The following PLCE1 variants were observed in gnomAD, a reference collection of about 807,000 sequenced individuals.
PLCE1 encodes the protein phospholipase C epsilon 1, also known as 1-phosphatidylinositol 4,5-bisphosphate phosphodiesterase epsilon-1.
In PLCE1, 119 loss-of-function variants were observed where a neutral mutation model predicts 242.8. The ratio of observed to expected loss-of-function variants is 0.49; its 90% CI spans 0.42 to 0.57. The LOEUF is 0.57. PLCE1 is among the 20% of genes least tolerant of loss of function. The pLI, the probability that PLCE1 is intolerant of heterozygous loss-of-function variation, is 0.00. For missense variants in PLCE1, 2,441 were observed against 2,788.8 expected, an observed-to-expected ratio of 0.88 and a Z score of 2.81; for synonymous variants, 945 against 1,017.4, an observed-to-expected ratio of 0.93 and a Z score of 1.35.
chr10:94,316,069 ACT>A (rs1407396471), intron 28 of PLCE1, among the ~76,000 whole-genome samples: 2 of 152,194 alleles, frequency 1.3e-5, no homozygotes, highest in East Asian at 3.9e-4. Flanking sequence ...CTTTAAGCAC[ACT>A]GTCAGAAGTT....
intron 24 of PLCE1, among the ~76,000 whole-genome samples, chr10:94,299,288 G>A (rs2052953793): frequency 6.6e-6 from 1 of 152,142 alleles, no homozygotes; most frequent in South Asian, 2.1e-4. Context: ...TGTGCATTAG[G>A]CAGTACGCTG....
intron 2 of PLCE1, among the ~76,000 whole-genome samples, chr10:94,078,615 A>G (rs556765250): frequency 6.6e-6 from 1 of 152,100 alleles, no homozygotes; most frequent in East Asian, 1.9e-4. Flanking sequence ...CCTCCCAAGT[A>G]GCTGGGATGA....
chr10:94,002,701 T>C (rs58546311), intron 1 of PLCE1, among the ~76,000 whole-genome samples: 4 of 152,182 alleles, frequency 2.6e-5, no homozygotes, highest in African/African-American at 7.2e-5. Flanking sequence ...AGCTTGGCCC[T>C]CTTGGTTTTG....
At chr10:94,302,274 G>C (rs1291751527) in intron 24 of PLCE1, among the ~76,000 whole-genome samples, 1 of 152,108 alleles carries the variant, frequency 6.6e-6, no homozygotes, top group Admixed American at 6.6e-5. Flanking sequence ...GATGCACGCT[G>C]GGTTTAATAC....
At chr10:94,085,035 C>G (rs1457809605) in intron 2 of PLCE1, among the ~76,000 whole-genome samples, 3 of 152,038 alleles carry the variant, frequency 2.0e-5, no homozygotes, top group Admixed American at 6.6e-5. Context: ...CTTCTCTGCC[C>G]CTAGTGAGTA....
In PLCE1 at chr10:94,252,349, C is replaced by T. The variant is rs775833869; in HGVS notation, c.3130C>T (p.His1044Tyr). 7 of 1,614,104 alleles carry T rather than the reference C, an allele frequency of 4.3e-6. No homozygotes were observed. The highest frequency in any genetic ancestry group is 1.3e-5 in the African/African-American group (1 of 75,034). ...ACGGTATGAAGGCCCAACTTTGGCT[C>T]ACGCTGTGGAGTTGTTTGGTGGCAG... ...DGRYEGPTLA[H>Y]AVELFGGRRW... The change falls in exon 9 of 33, where the codon CAC becomes TAC. Residue 1044 changes from histidine (H) to tyrosine (Y), a missense_variant. Around this residue, in one of 5 missense-constraint regions of PLCE1, gnomAD observed 1,004 missense variants for 1,322.7 expected, o/e 0.76. Transcript: ENST00000371380.
intron 30 of PLCE1, among the ~76,000 whole-genome samples, chr10:94,324,043 T>C (rs750055245): frequency 2.0e-5 from 3 of 152,350 alleles, no homozygotes; most frequent in Admixed American, 6.5e-5. Context: ...CAGACCTTTA[T>C]TGTTACTATT....
chr10:94,000,160 C>T (rs961627936), intron 1 of PLCE1, among the ~76,000 whole-genome samples: 36 of 152,228 alleles, frequency 2.4e-4, no homozygotes, highest in African/African-American at 7.9e-4. Context: ...TGAGATTTTG[C>T]GTGAAAGAGG....
intron 3 of PLCE1, among the ~76,000 whole-genome samples, chr10:94,162,862 T>C (rs2047663226): frequency 6.6e-6 from 1 of 152,236 alleles, no homozygotes; most frequent in Non-Finnish European, 1.5e-5. Context: ...TGTGTCTTTG[T>C]TCTCATTGGT....
At position 94,252,461 on chromosome 10, in the gene PLCE1, T is replaced by A. The variant is rs1423525893; in HGVS notation, c.3242T>A (p.Ile1081Lys). Residue 1081 changes from isoleucine (I) to lysine (K), a missense_variant, in exon 9 of 33, where the codon ATA becomes AAA. Transcript: ENST00000371380. ...ATGCAGAGAAACAATACCCTGGGCATAAGCACTACCAAGAAAAAGAAGAAA... is the reference window on the plus strand; with the variant it reads ...ATGCAGAGAAACAATACCCTGGGCAAAAGCACTACCAAGAAAAAGAAGAAA... The part of the protein sequence containing the change: ...PNMQRNNTLG[I>K]STTKKKKKIL... The A allele has an allele frequency of 6.2e-7, 1 of 1,613,956 alleles. No homozygotes were observed.
chr10:94,229,532 G>A (rs2050071074), intron 5 of PLCE1, among the ~76,000 whole-genome samples: 1 of 152,168 alleles, frequency 6.6e-6, no homozygotes, highest in Non-Finnish European at 1.5e-5. Context: ...GGTGGGGACT[G>A]CACAAAGCCA....
chr10:94,319,858 G>A (rs2053718206), intron 29 of PLCE1, among the ~76,000 whole-genome samples: 2 of 130,952 alleles, frequency 1.5e-5, no homozygotes, highest in African/African-American at 2.9e-5. Context: ...GAGGCTCAAA[G>A]GTGCTCTTTT....
chr10:94,177,853 G>A (rs2048172778), intron 4 of PLCE1, among the ~76,000 whole-genome samples: 1 of 152,174 alleles, frequency 6.6e-6, no homozygotes, highest in South Asian at 2.1e-4. Flanking sequence ...TGAAAAGAGA[G>A]GAGAGGCAAA....
At chr10:94,111,559 T>A (rs570103737) in intron 2 of PLCE1, among the ~76,000 whole-genome samples, 5 of 151,822 alleles carry the variant, frequency 3.3e-5, no homozygotes, top group African/African-American at 1.2e-4. Context: ...GGATAAGGAG[T>A]TGGAAGAGTG....
chr10:94,279,813 C>T lies in PLCE1; in HGVS notation c.4697C>T (p.Ala1566Val). The T allele has an allele frequency of 6.2e-7, 1 of 1,613,624 alleles. No individual in the cohort carries two copies. The highest frequency in any genetic ancestry group is 8.5e-7 in the Non-Finnish European group (1 of 1,179,656). The stretch of plus-strand genomic sequence containing the variant: ...CAGTTAGCATCTATGCAAGTGCAGG[C>T]TTATAATGGTGGGAATGCCAACCCC... ...AHQLASMQVQ[A>V]YNGGNANPRP... Residue 1566 changes from alanine (A) to valine (V), a missense_variant, in exon 20 of 33, where the codon GCT becomes GTT. This residue lies in a region of PLCE1 where 1,004 missense variants were observed against 1,322.7 expected (regional missense o/e 0.76). Transcript: ENST00000371380.
chr10:94,219,917 C>T (rs2049666147), intron 4 of PLCE1, among the ~76,000 whole-genome samples: 1 of 152,012 alleles, frequency 6.6e-6, no homozygotes. Flanking sequence ...GTGTTTGAGG[C>T]TCTGAAAAAG....
chr10:94,265,904 C>T lies in PLCE1; in HGVS notation c.4227C>T (p.Thr1409=). 2 of 1,614,032 alleles carry T rather than the reference C, an allele frequency of 1.2e-6. No homozygotes were observed. Among genetic ancestry groups the T allele is most frequent in the African/African-American group, 1.3e-5 (1 of 75,018 alleles). Reference sequence around the variant, plus strand: ...ATTACATCGAATCTTCGCACAATACCTACCTCACGGGCCATCAGCTCAAAG... The same window carrying T: ...ATTACATCGAATCTTCGCACAATACTTACCTCACGGGCCATCAGCTCAAAG... ...SYYYIESSHN[T]YLTGHQLKGE... Residue 1409 remains threonine, a synonymous_variant, in exon 16 of 33, where the codon ACC becomes ACT. Transcript: ENST00000371380.
intron 2 of PLCE1, among the ~76,000 whole-genome samples, chr10:94,075,788 C>T (rs1469011256): frequency 2.0e-5 from 3 of 152,328 alleles, no homozygotes; most frequent in South Asian, 4.1e-4. Context: ...ATTCAGAATG[C>T]GTTCTGCTGT....
At position 94,332,553 on chromosome 10, in the gene PLCE1, A is replaced by G. The variant is rs977877647; in HGVS notation, c.*4610A>G. On this transcript the variant is annotated 3_prime_UTR_variant, in exon 33 of 33. Coordinates refer to ENST00000371380, the MANE Select transcript of PLCE1 (RefSeq NM_016341.4). ...TGTGTGTGTGTGTGTGTGTGTTTAA[A>G]CATAAGCTTACATATAAGCGTATGT... The G allele has an allele frequency of 7.0e-4, 105 of 150,222 alleles. No individual in the cohort carries two copies. Among genetic ancestry groups the G allele is most frequent in the Middle Eastern group, 6.8e-3 (2 of 296 alleles). The allele number at this position is 150,222 out of a possible 1,614,324, so 9.3% of individuals were successfully genotyped here.
Sources: gnomAD v4.1 joint callset for allele counts (sites outside exome capture counted in the v4.1 genomes callset) on GRCh38, gnomAD v4.1.1 for gene constraint, gnomAD v4.1.1 regional missense constraint, MANE v1.5 for transcripts, NCBI Gene and HGNC (gene_info 2026-07-23, HGNC 2026-07-21) for gene names.